ZNF722: variants seen among roughly 807,000 people sequenced by gnomAD.
The protein encoded by ZNF722 is zinc finger protein 722, also known as zinc finger protein 479 pseudogene.
At chr7:64,015,267 A>T in the ZNF722 span, 1 of 1,225,832 alleles carries the variant, frequency 8.2e-7, no homozygotes, top group Non-Finnish European at 1.2e-6. Flanking sequence ...AGTCTTTGGT[A>T]AATTTTCAAA....
At chr7:64,009,147 G>A in the ZNF722 span, among the ~76,000 whole-genome samples, 361 of 152,310 alleles carry the variant, frequency 2.4e-3, 1 homozygote, top group African/African-American at 7.9e-3. Flanking sequence ...ATTTTGGACT[G>A]AGACAATGGG....
At chr7:63,998,890 C>T in the ZNF722 span, 1 of 1,491,958 alleles carries the variant, frequency 6.7e-7, no homozygotes, top group Non-Finnish European at 9.3e-7. Flanking sequence ...TTCTTTTCTT[C>T]AGGGCTCTGC....
chr7:63,999,800 C>T, the ZNF722 span, among the ~76,000 whole-genome samples: 4 of 151,946 alleles, frequency 2.6e-5, no homozygotes, highest in South Asian at 2.1e-4. Context: ...CGGGTTCAAG[C>T]GATTCTCCCA....
chr7:64,010,906 CT>C, the ZNF722 span, among the ~76,000 whole-genome samples: 1 of 152,132 alleles, frequency 6.6e-6, no homozygotes, highest in Non-Finnish European at 1.5e-5. Context: ...TAAGGACTTG[CT>C]TTATGAATCT....
At chr7:64,008,079 T>C in the ZNF722 span, among the ~76,000 whole-genome samples, 1 of 152,212 alleles carries the variant, frequency 6.6e-6, no homozygotes, top group African/African-American at 2.4e-5. Flanking sequence ...TGCCCAGTTT[T>C]TGATGGGGTT....
chr7:64,017,427 A>T, the ZNF722 span, among the ~76,000 whole-genome samples: 1 of 152,182 alleles, frequency 6.6e-6, no homozygotes, highest in Middle Eastern at 3.4e-3. Flanking sequence ...CTGTAAAAAC[A>T]CCTTTTGGAA....
At chr7:64,011,465 A>G in the ZNF722 span, among the ~76,000 whole-genome samples, 2 of 152,100 alleles carry the variant, frequency 1.3e-5, no homozygotes, top group Admixed American at 1.3e-4. Flanking sequence ...ATCTCTCAGC[A>G]TTTGCTTGTC....
chr7:64,005,814 C>T, the ZNF722 span: 3 of 1,293,152 alleles, frequency 2.3e-6, no homozygotes, highest in Non-Finnish European at 3.2e-6. Context: ...GTAATTTCTG[C>T]TTTGCATGAA....
chr7:64,000,119 C>CTTTTTT, the ZNF722 span, among the ~76,000 whole-genome samples: 1 of 142,742 alleles, frequency 7.0e-6, no homozygotes, highest in Admixed American at 7.1e-5. Context: ...TTTTCCCTTA[C>CTTTTTT]TTTTTTTTTT....
At chr7:64,008,397 A>T in the ZNF722 span, among the ~76,000 whole-genome samples, 1 of 152,106 alleles carries the variant, frequency 6.6e-6, no homozygotes, top group African/African-American at 2.4e-5. Context: ...TGAGTCTTTA[A>T]TCAATCTTGA....
the ZNF722 span, among the ~76,000 whole-genome samples, chr7:64,005,022 A>G: frequency 6.6e-6 from 1 of 152,152 alleles, no homozygotes; most frequent in Non-Finnish European, 1.5e-5. Flanking sequence ...TATGATGTAA[A>G]TATAGCCCTT....
chr7:64,004,425 A>AAAAAAAAAAAATATATATATAT, the ZNF722 span, among the ~76,000 whole-genome samples: 1 of 61,116 alleles, frequency 1.6e-5, no homozygotes, highest in Non-Finnish European at 2.7e-5. Flanking sequence ...AAAAAAAAAA[A>AAAAAAAAAAAATATATATATAT]ATATATATAT....
the ZNF722 span, among the ~76,000 whole-genome samples, chr7:64,013,207 A>G: frequency 3.3e-5 from 5 of 152,006 alleles, no homozygotes; most frequent in Non-Finnish European, 7.4e-5. Flanking sequence ...TAAATTTTTT[A>G]TTCATTATTG....
chr7:64,010,240 C>G, the ZNF722 span, among the ~76,000 whole-genome samples: 1 of 152,112 alleles, frequency 6.6e-6, no homozygotes, highest in African/African-American at 2.4e-5. Context: ...GTCTCTATCT[C>G]CTTCAGTTCT....
the ZNF722 span, among the ~76,000 whole-genome samples, chr7:64,012,045 T>C: frequency 6.6e-6 from 1 of 152,300 alleles, no homozygotes; most frequent in African/African-American, 2.4e-5. Flanking sequence ...TGATACCCTT[T>C]CTTTCACTTG....
the ZNF722 span, among the ~76,000 whole-genome samples, chr7:64,010,805 C>A: frequency 6.6e-6 from 1 of 152,072 alleles, no homozygotes; most frequent in Non-Finnish European, 1.5e-5. Flanking sequence ...TCCTTGTTAA[C>A]CTTCTGTCTT....
chr7:64,014,938 G>A, the ZNF722 span: 1 of 992,346 alleles, frequency 1.0e-6, no homozygotes, highest in Non-Finnish European at 1.5e-6. Flanking sequence ...TTTTGCTAGT[G>A]TGCCTTGTAT....
the ZNF722 span, among the ~76,000 whole-genome samples, chr7:64,013,340 CATAATA>C: frequency 6.6e-6 from 1 of 151,996 alleles, no homozygotes; most frequent in Admixed American, 6.6e-5. Flanking sequence ...TATAGATAGA[CATAATA>C]GTTATAGATT....
the ZNF722 span, among the ~76,000 whole-genome samples, chr7:64,008,822 A>G: frequency 0.074 from 11,329 of 152,152 alleles, 617 homozygotes; most frequent in African/African-American, 0.14. Flanking sequence ...TGAATCTATA[A>G]ATTACCTTGG....
Sources: gnomAD v4.1 joint callset for allele counts (sites outside exome capture counted in the v4.1 genomes callset) on GRCh38, gnomAD v4.1.1 for gene constraint, MANE v1.5 for transcripts, NCBI Gene and HGNC (gene_info 2026-07-23, HGNC 2026-07-21) for gene names.